CNTNAP2: variants seen among roughly 807,000 people sequenced by gnomAD.
The protein encoded by CNTNAP2 is contactin associated protein 2.
CNTNAP2 carries 98 observed loss-of-function variants against 155.2 expected under a neutral mutation model. The ratio of observed to expected loss-of-function variants is 0.63; its 90% confidence interval spans 0.54 to 0.75. The LOEUF is 0.75. Among genes scored for constraint, CNTNAP2 ranks in the 30% least tolerant of loss-of-function variants. The pLI, the probability that CNTNAP2 is intolerant of heterozygous loss-of-function variation, is 0.00. For synonymous variants in CNTNAP2, 651 were observed against 631.2 expected, an observed-to-expected ratio of 1.03 and a Z score of -0.47; for missense variants, 1,727 against 1,688.1, an observed-to-expected ratio of 1.02 and a Z score of -0.40.
intron 1 of CNTNAP2, among the ~76,000 whole-genome samples, chr7:146,761,511 T>C (rs1280072443): frequency 6.6e-6 from 1 of 152,130 alleles, no homozygotes; most frequent in Non-Finnish European, 1.5e-5. Context: ...GTTTGTTCTG[T>C]TGTTGTTGCT....
At chr7:148,313,225 G>A (rs1234787689) in intron 21 of CNTNAP2, among the ~76,000 whole-genome samples, 2 of 150,268 alleles carry the variant, frequency 1.3e-5, no homozygotes, top group Non-Finnish European at 3.0e-5. Context: ...GATTAAGAAG[G>A]GGACAGACTT....
intron 17 of CNTNAP2, among the ~76,000 whole-genome samples, chr7:148,169,755 T>C (rs1394235834): frequency 6.6e-6 from 1 of 152,000 alleles, no homozygotes; most frequent in East Asian, 1.9e-4. Context: ...AGGTCAGGAG[T>C]TCGAGACCAG....
intron 1 of CNTNAP2, among the ~76,000 whole-genome samples, chr7:146,623,101 A>G (rs1799358429): frequency 6.6e-6 from 1 of 152,088 alleles, no homozygotes; most frequent in South Asian, 2.1e-4. Flanking sequence ...TAACTTTGTC[A>G]AACAGAGAAC....
chr7:148,209,829 T>C (rs1795512356), intron 18 of CNTNAP2, among the ~76,000 whole-genome samples: 1 of 152,206 alleles, frequency 6.6e-6, no homozygotes, highest in South Asian at 2.1e-4. Context: ...CCTTTCTATC[T>C]AGCCTCACTT....
At chr7:148,227,513 G>A (rs1795875173) in intron 19 of CNTNAP2, among the ~76,000 whole-genome samples, 2 of 152,208 alleles carry the variant, frequency 1.3e-5, no homozygotes, top group South Asian at 4.1e-4. Flanking sequence ...TAAAGCACAG[G>A]TGAGGATGAA....
At chr7:147,338,248 A>C (rs917372368) in intron 9 of CNTNAP2, among the ~76,000 whole-genome samples, 4 of 152,130 alleles carry the variant, frequency 2.6e-5, no homozygotes, top group Admixed American at 6.5e-5. Context: ...ATCTCATGAG[A>C]ACTCACTATC....
chr7:147,759,771 A>C (rs1315920530), intron 13 of CNTNAP2, among the ~76,000 whole-genome samples: 2 of 152,204 alleles, frequency 1.3e-5, no homozygotes, highest in African/African-American at 2.4e-5. Context: ...TGTGGTTACG[A>C]AACAGCTCCA....
chr7:146,152,015 A>G (rs1798060064), intron 1 of CNTNAP2, among the ~76,000 whole-genome samples: 2 of 151,836 alleles, frequency 1.3e-5, no homozygotes. Flanking sequence ...ACTACTGAGT[A>G]TATAGTCAAA....
chr7:147,506,153 A>G (rs576122610), intron 11 of CNTNAP2, among the ~76,000 whole-genome samples: 6 of 152,362 alleles, frequency 3.9e-5, no homozygotes, highest in Admixed American at 3.9e-4. Context: ...AGGCATGGCC[A>G]GGCACTAGGA....
At chr7:147,241,651 A>G (rs955467943) in intron 8 of CNTNAP2, among the ~76,000 whole-genome samples, 4 of 151,892 alleles carry the variant, frequency 2.6e-5, no homozygotes, top group South Asian at 2.1e-4. Context: ...AAAAAAAAAA[A>G]AAAAAGAAAT....
At chr7:146,335,843 A>G (rs1260114568) in intron 1 of CNTNAP2, among the ~76,000 whole-genome samples, 1 of 152,114 alleles carries the variant, frequency 6.6e-6, no homozygotes, top group Non-Finnish European at 1.5e-5. Flanking sequence ...GGGGTCGGGG[A>G]AGAGGGAGAC....
intron 9 of CNTNAP2, among the ~76,000 whole-genome samples, chr7:147,315,415 G>A (rs1280009338): frequency 1.4e-5 from 2 of 148,104 alleles, no homozygotes; most frequent in East Asian, 2.0e-4. Flanking sequence ...ACCCCAAATC[G>A]TAGGCAACCA....
chr7:146,157,540 A>T (rs1433056066), intron 1 of CNTNAP2, among the ~76,000 whole-genome samples: 1 of 152,178 alleles, frequency 6.6e-6, no homozygotes, highest in Non-Finnish European at 1.5e-5. Context: ...CCACTCTAAT[A>T]CAGCGCTTTT....
chr7:148,351,597 G>C (rs1035590308), intron 21 of CNTNAP2, among the ~76,000 whole-genome samples: 2 of 151,568 alleles, frequency 1.3e-5, no homozygotes, highest in African/African-American at 4.9e-5. Flanking sequence ...ACAAAAATTA[G>C]CTGGGCGTGG....
intron 14 of CNTNAP2, among the ~76,000 whole-genome samples, chr7:147,949,945 G>A (rs1800896939): frequency 6.6e-6 from 1 of 152,130 alleles, no homozygotes; most frequent in Non-Finnish European, 1.5e-5. Flanking sequence ...AAGAAGAAAA[G>A]CAGCATTTAC....
chr7:146,118,048 T>G (rs1318759583), intron 1 of CNTNAP2, among the ~76,000 whole-genome samples: 2 of 152,228 alleles, frequency 1.3e-5, no homozygotes, highest in Non-Finnish European at 2.9e-5. Flanking sequence ...AGTCTTTGTT[T>G]CTAAGATTTT....
At chr7:147,237,600 T>C (rs923632548) in intron 8 of CNTNAP2, among the ~76,000 whole-genome samples, 4 of 152,214 alleles carry the variant, frequency 2.6e-5, no homozygotes, top group African/African-American at 9.7e-5. Context: ...GCAATTTCTT[T>C]AAGGTCAGGG....
chr7:147,797,796 CT>C (rs1424956925), intron 13 of CNTNAP2, among the ~76,000 whole-genome samples: 1 of 152,106 alleles, frequency 6.6e-6, no homozygotes, highest in Non-Finnish European at 1.5e-5. Flanking sequence ...AAGACTAGAT[CT>C]TTTTTTCCTA....
intron 14 of CNTNAP2, among the ~76,000 whole-genome samples, chr7:147,970,772 C>A (rs890446823): frequency 3.3e-5 from 5 of 152,110 alleles, no homozygotes; most frequent in African/African-American, 4.8e-5. Flanking sequence ...CCTGGAAAAA[C>A]CAAGAATGTT....
Sources: allele counts gnomAD v4.1 joint callset (sites outside exome capture counted in the v4.1 genomes callset), GRCh38; gene constraint gnomAD v4.1.1; transcripts MANE v1.5; gene names NCBI Gene and HGNC (gene_info 2026-07-23, HGNC 2026-07-21).